The following XPO1 variants were observed in gnomAD, a reference collection of about 807,000 sequenced individuals.
The protein encoded by XPO1 is exportin-1.
A neutral mutation model predicts 133.3 loss-of-function variants in XPO1; 5 were observed. That is an observed-to-expected ratio of 0.04 (90% confidence interval 0.02 to 0.08). The LOEUF (loss-of-function observed/expected upper bound fraction) is 0.08, where lower values mean the gene tolerates loss of function less well. XPO1 is among the 10% of genes least tolerant of loss of function. The probability of loss-of-function intolerance (pLI) is 1.00; values close to 1 mark genes in which losing one functional copy is unlikely to be tolerated. For synonymous variants in XPO1, 419 were observed against 408.2 expected (o/e 1.03, Z -0.32); for missense variants, 506 against 1,267.5 (o/e 0.40, Z 9.12).
chr2:61,499,700 A>G lies in XPO1; in HGVS notation c.590+13T>C. The G allele has an allele frequency of 1.9e-6, 3 of 1,558,176 alleles. No homozygotes were observed. The highest frequency in any genetic ancestry group is 2.6e-6 in the Non-Finnish European group (3 of 1,159,152). ...AAATCACTTTAAAATTCTAAAACAT[A>G]ATTATTACTTGCCTGTCTTTTAAAT... On this transcript the variant is annotated intron_variant, in intron 7 of 24. Transcript: ENST00000401558.
chr2:61,491,494 A>C (rs1340130507), intron 16 of XPO1, among the ~76,000 whole-genome samples: 4 of 147,516 alleles, frequency 2.7e-5, no homozygotes, highest in Non-Finnish European at 6.0e-5. Flanking sequence ...ACACACACAC[A>C]CACCCCAAAA....
intron 4 of XPO1, among the ~76,000 whole-genome samples, chr2:61,507,378 A>T (rs1697880908): frequency 6.6e-6 from 1 of 152,058 alleles, no homozygotes; most frequent in South Asian, 2.1e-4. Flanking sequence ...GCTTGAGACC[A>T]GCTTGGGCAA....
intron 3 of XPO1, among the ~76,000 whole-genome samples, chr2:61,524,917 A>G (rs763100984): frequency 1.3e-5 from 2 of 152,186 alleles, no homozygotes; most frequent in Non-Finnish European, 2.9e-5. Context: ...CTGTCTCTTC[A>G]AAGAATTTTT....
At chr2:61,500,587 A>AAAAAAAG (rs1177686004) in intron 6 of XPO1, among the ~76,000 whole-genome samples, 35 of 147,212 alleles carry the variant, frequency 2.4e-4, no homozygotes, top group Admixed American at 2.4e-3. Flanking sequence ...TCAAAAAAAA[A>AAAAAAAG]AAAAAAAAAA....
At chr2:61,514,465 T>A (rs965346524) in intron 4 of XPO1, among the ~76,000 whole-genome samples, 3 of 151,682 alleles carry the variant, frequency 2.0e-5, no homozygotes, top group Non-Finnish European at 4.4e-5. Context: ...TGGTGGCACA[T>A]GCCTGTAGTC....
chr2:61,530,262 A>G (rs1699092628), intron 2 of XPO1, among the ~76,000 whole-genome samples: 1 of 152,196 alleles, frequency 6.6e-6, no homozygotes, highest in Non-Finnish European at 1.5e-5. Context: ...TACATAAATA[A>G]TATTCTTTCC....
intron 11 of XPO1, 106 bp from the exon 12 acceptor site, chr2:61,494,197 C>T: frequency 2.9e-6 from 3 of 1,025,604 alleles, no homozygotes; most frequent in Non-Finnish European, 4.2e-6. Context: ...ATGTTTTATT[C>T]ATCACAACTC....
At chr2:61,526,341 AC>A in intron 3 of XPO1, 78 bp downstream of exon 3, 1 of 1,511,646 alleles carries the variant, frequency 6.6e-7, no homozygotes, top group Non-Finnish European at 8.8e-7. Context: ...AAATGCTAAT[AC>A]TAAAAATGAG....
At chr2:61,481,615 T>C (rs1391997306) in intron 23 of XPO1, among the ~76,000 whole-genome samples, 4 of 151,490 alleles carry the variant, frequency 2.6e-5, no homozygotes, top group Non-Finnish European at 2.9e-5. Flanking sequence ...CCCGGCTAAT[T>C]TGTATTTTTA....
Position 61,518,393 on chromosome 2 carries a change from AAAAAAAC to A in XPO1, c.301+4211_301+4217del, listed in dbSNP as rs1332070783. ...CGGTGAAACCCCGTCTCTACTAAAA[AAAAAAAC>A]AAAAAACAAAAAACAAAACACACAC... On this transcript the variant is annotated intron_variant, in intron 4 of 24. Transcript: ENST00000401558. Among the ~76,000 whole-genome samples, 92 of 124,474 alleles carry A rather than the reference AAAAAAAC, an allele frequency of 7.4e-4. 1 individual carries two copies. The highest frequency in any genetic ancestry group is 1.0e-3 in the Non-Finnish European group (59 of 59,048). The allele number at this position is 124,474 out of a possible 152,430, so 81.7% of individuals were successfully genotyped here. A position where few individuals can be genotyped will look rare whatever the true frequency, so the allele number is the denominator to read the frequency against.
At chr2:61,530,568 T>C (rs1353356399) in intron 2 of XPO1, among the ~76,000 whole-genome samples, 3 of 152,092 alleles carry the variant, frequency 2.0e-5, no homozygotes, top group African/African-American at 7.2e-5. Flanking sequence ...TCTACTTGGC[T>C]AAAAATAGAA....
intron 4 of XPO1, among the ~76,000 whole-genome samples, chr2:61,508,697 CTAAAACTCTTTAAAATATTGAG>C (rs1697942570): frequency 6.6e-6 from 1 of 152,196 alleles, no homozygotes; most frequent in Non-Finnish European, 1.5e-5. Flanking sequence ...ACAGAATTCA[CTAAAACTCTTTAAAATATTGAG>C]AACAAATTAA....
At chr2:61,504,606 C>T (rs1361284000) in intron 4 of XPO1, among the ~76,000 whole-genome samples, 2 of 152,106 alleles carry the variant, frequency 1.3e-5, no homozygotes, top group Non-Finnish European at 2.9e-5. Flanking sequence ...TTCCAAGCCT[C>T]ATCTGGCATA....
chr2:61,518,394 AAAAAAC>A lies in XPO1; in HGVS notation c.301+4211_301+4216del, dbSNP rs1447381168. Among the ~76,000 whole-genome samples the A allele has an allele frequency of 5.4e-4, 58 of 106,782 alleles. 2 individuals carry two copies. The highest frequency in any genetic ancestry group is 4.3e-3 in the Middle Eastern group (1 of 232). 70.1% of individuals were successfully genotyped at this position (106,782 alleles called of 152,430 possible). A position where few individuals can be genotyped will look rare whatever the true frequency, so the allele number is the denominator to read the frequency against. ...GGTGAAACCCCGTCTCTACTAAAAAAAAAAACAAAAAACAAAAAACAAAACACACAC... is the reference window on the plus strand; with the variant it reads ...GGTGAAACCCCGTCTCTACTAAAAAAAAAAAACAAAAAACAAAACACACAC... On this transcript the variant is annotated intron_variant, in intron 4 of 24. Transcript: ENST00000401558.
chr2:61,528,502 G>A lies in XPO1; in HGVS notation c.127-1981C>T, dbSNP rs149689834. On this transcript the variant is annotated intron_variant, in intron 2 of 24. Transcript: ENST00000401558. Reference sequence around the variant, plus strand: ...ACAAAAACTAGCCGGGAATGGTGGCGTGCGCCTATAGTCCCAGCTACTCGG... The same window carrying A: ...ACAAAAACTAGCCGGGAATGGTGGCATGCGCCTATAGTCCCAGCTACTCGG... Among the ~76,000 whole-genome samples, 152 of 151,694 alleles carry A rather than the reference G, an allele frequency of 1.0e-3. 1 individual carries two copies. In the East Asian group the frequency reaches 0.025, roughly 25 times the overall value.
chr2:61,515,650 T>G (rs1425644553), intron 4 of XPO1, among the ~76,000 whole-genome samples: 1 of 152,134 alleles, frequency 6.6e-6, no homozygotes, highest in Admixed American at 6.6e-5. Flanking sequence ...GTAGCCAGTA[T>G]TACGGTGCCA....
chr2:61,481,153 T>TTTTG (rs752181203), intron 24 of XPO1, 32 bp downstream of exon 24: 1 of 1,488,054 alleles, frequency 6.7e-7, no homozygotes, highest in South Asian at 1.2e-5. Context: ...CATCTACCCC[T>TTTTG]AATATTTCTG....
At chr2:61,494,972 G>C (rs1697173601) in intron 11 of XPO1, among the ~76,000 whole-genome samples, 1 of 151,834 alleles carries the variant, frequency 6.6e-6, no homozygotes, top group Non-Finnish European at 1.5e-5. Context: ...CTCCTGAGGA[G>C]CTGGGATTAC....
chr2:61,518,632 C>A (rs1006269446), intron 4 of XPO1, among the ~76,000 whole-genome samples: 4 of 151,290 alleles, frequency 2.6e-5, no homozygotes, highest in Non-Finnish European at 5.9e-5. Flanking sequence ...AAAACAAACA[C>A]AAAAACAGAC....
Sources: gnomAD v4.1 joint callset for allele counts (sites outside exome capture counted in the v4.1 genomes callset) on GRCh38, gnomAD v4.1.1 for gene constraint, MANE v1.5 for transcripts, NCBI Gene and HGNC (gene_info 2026-07-23, HGNC 2026-07-21) for gene names.